The following MYO1E variants were observed in gnomAD, a reference collection of about 807,000 sequenced individuals.
MYO1E encodes the protein unconventional myosin-Ie.
A neutral mutation model predicts 151.1 loss-of-function variants in MYO1E; 68 were observed. That is an observed-to-expected ratio of 0.45 (90% confidence interval 0.37 to 0.55). The LOEUF is 0.55. MYO1E is among the 20% of genes least tolerant of loss of function. The probability of loss-of-function intolerance (pLI) is 0.00; values close to 1 mark genes in which losing one functional copy is unlikely to be tolerated. For synonymous variants in MYO1E, 601 were observed against 501.7 expected, an observed-to-expected ratio of 1.20 and a Z score of -2.64; for missense variants, 1,363 against 1,389.3, an observed-to-expected ratio of 0.98 and a Z score of 0.30.
At chr15:59,247,651 T>C (rs1249842813) in intron 4 of MYO1E, among the ~76,000 whole-genome samples, 2 of 152,186 alleles carry the variant, frequency 1.3e-5, no homozygotes, top group Non-Finnish European at 2.9e-5. Context: ...TCAAGAGCCT[T>C]AGCCCTGGCT....
In MYO1E at chr15:59,315,990, C is replaced by T. The variant is rs139073275; in HGVS notation, c.4-43541G>A. ...GTAGACACTGAGGAATACTTTTGCA[C>T]TGAGGCACCCGTGGGCCAACAAGTA... On this transcript the variant is annotated intron_variant, in intron 1 of 27. Transcript: ENST00000288235. 2.3e-3 allele frequency among the ~76,000 whole-genome samples: 349 copies of T among 152,246 alleles called. 1 individual carries two copies. The highest frequency in any genetic ancestry group is 3.6e-3 in the Non-Finnish European group (244 of 68,026).
intron 5 of MYO1E, among the ~76,000 whole-genome samples, chr15:59,234,262 G>A (rs202137847): frequency 1.4e-4 from 19 of 134,188 alleles, no homozygotes; most frequent in Non-Finnish European, 1.9e-4. Context: ...GGATGGATGG[G>A]TGCATGGATG....
chr15:59,229,371 G>A (rs1221012923), intron 6 of MYO1E, among the ~76,000 whole-genome samples: 1 of 152,184 alleles, frequency 6.6e-6, no homozygotes, highest in Non-Finnish European at 1.5e-5. Flanking sequence ...ATTTTTATGT[G>A]TGGTCAAGGT....
At chr15:59,231,580 C>T (rs932621519) in intron 6 of MYO1E, 122 bp downstream of exon 6, 6 of 1,061,848 alleles carry the variant, frequency 5.7e-6, no homozygotes, top group South Asian at 2.7e-5. Flanking sequence ...AAGGAAAGAT[C>T]GAAGAGGTGG....
rs568034487 is a variant in MYO1E, at chr15:59,179,324, C to G, written c.1905-787G>C. ...TACTATTTTTCCTTCAGAGCATGTACTCTAATTGGTAGTTATATTCACGGT... is the reference window on the plus strand; with the variant it reads ...TACTATTTTTCCTTCAGAGCATGTAGTCTAATTGGTAGTTATATTCACGGT... On this transcript the variant is annotated intron_variant, in intron 18 of 27. Transcript: ENST00000288235. 4.6e-5 allele frequency among the ~76,000 whole-genome samples: 7 copies of G among 152,264 alleles called. No homozygotes were observed. The South Asian group carries it at 1.5e-3, about 32-fold the overall frequency.
intron 1 of MYO1E, among the ~76,000 whole-genome samples, chr15:59,309,212 A>C (rs1162502642): frequency 6.6e-6 from 1 of 152,226 alleles, no homozygotes; most frequent in African/African-American, 2.4e-5. Flanking sequence ...ACTAGCTCTG[A>C]GCCCGGCACC....
Position 59,136,611 on chromosome 15 carries a change from A to C in MYO1E, c.*769T>G. The stretch of plus-strand genomic sequence containing the variant: ...ATGTTTCTACCATCTCAAGATTTTT[A>C]TATATACAGTATATGATCTGTTTTT... On this transcript the variant is annotated 3_prime_UTR_variant, in exon 28 of 28. Coordinates refer to ENST00000288235, the MANE Select transcript of MYO1E (RefSeq NM_004998.4). 1 of 428,954 alleles carries C rather than the reference A, an allele frequency of 2.3e-6. No homozygotes were observed. Among genetic ancestry groups the C allele is most frequent in the Non-Finnish European group, 4.7e-6 (1 of 211,350 alleles). The allele number at this position is 428,954 out of a possible 1,614,324, so 26.6% of individuals were successfully genotyped here. A position where few individuals can be genotyped will look rare whatever the true frequency, so the allele number is the denominator to read the frequency against.
chr15:59,252,540 C>T (rs1271625616), intron 4 of MYO1E, among the ~76,000 whole-genome samples: 2 of 152,152 alleles, frequency 1.3e-5, no homozygotes, highest in African/African-American at 4.8e-5. Context: ...CATGGGGAAA[C>T]CCCGTCTCTA....
intron 1 of MYO1E, among the ~76,000 whole-genome samples, chr15:59,305,856 A>G (rs1250891364): frequency 2.0e-5 from 3 of 152,156 alleles, no homozygotes; most frequent in Non-Finnish European, 4.4e-5. Context: ...AGGACATTCA[A>G]AATTAGGAGG....
chr15:59,252,647 G>A (rs182019667), intron 4 of MYO1E, among the ~76,000 whole-genome samples: 17 of 152,178 alleles, frequency 1.1e-4, no homozygotes, highest in South Asian at 2.1e-4. Flanking sequence ...CCCAGGAGGC[G>A]GAGGTTGCAA....
intron 5 of MYO1E, among the ~76,000 whole-genome samples, chr15:59,232,963 T>A (rs910780432): frequency 7.9e-5 from 12 of 152,174 alleles, no homozygotes; most frequent in African/African-American, 2.4e-5. Flanking sequence ...CCAAGGGCAA[T>A]TCTGGGTGGT....
chr15:59,364,816 A>G (rs1396129460), intron 1 of MYO1E, among the ~76,000 whole-genome samples: 1 of 151,896 alleles, frequency 6.6e-6, no homozygotes, highest in African/African-American at 2.4e-5. Context: ...GAGGCAGGAG[A>G]ATCGCTTGAA....
rs117656303 is a variant in MYO1E at position 59,249,150 on chromosome 15, G to A, written c.332+7134C>T. On this transcript the variant is annotated intron_variant, in intron 4 of 27. Coordinates refer to ENST00000288235, the MANE Select transcript of MYO1E (RefSeq NM_004998.4). ...TTCAAAATCCACTTTGTGGCCAGGC[G>A]CGGTGGCTCACGCCTGTAATCCCAG... Among the ~76,000 whole-genome samples the A allele has an allele frequency of 9.4e-4, 143 of 152,278 alleles. No homozygotes were observed. In the Middle Eastern group the frequency reaches 0.01, roughly 11 times the overall value.
intron 2 of MYO1E, chr15:59,266,920 C>A (rs1355461128): frequency 6.6e-6 from 1 of 151,846 alleles, no homozygotes; most frequent in Non-Finnish European, 1.5e-5. Flanking sequence ...CTTGGCCTCC[C>A]AAAGTGCTAG....
chr15:59,157,880 T>G (rs7175642), intron 25 of MYO1E, among the ~76,000 whole-genome samples: 87,041 of 152,034 alleles, frequency 0.57, 25,878 homozygotes, highest in Non-Finnish European at 0.65. Context: ...GATAAGGGGG[T>G]GCTGCTGTAG....
At chr15:59,294,469 T>C (rs1224143485) in intron 1 of MYO1E, among the ~76,000 whole-genome samples, 2 of 152,198 alleles carry the variant, frequency 1.3e-5, no homozygotes, top group African/African-American at 2.4e-5. Flanking sequence ...CCCATTGAAC[T>C]TGGAAATAAA....
chr15:59,220,191 C>G (rs1340970880), intron 9 of MYO1E, among the ~76,000 whole-genome samples: 3 of 152,174 alleles, frequency 2.0e-5, no homozygotes, highest in Admixed American at 1.3e-4. Flanking sequence ...GCTCACGCCT[C>G]TAATTACTGC....
chr15:59,327,314 T>C (rs1204808390), intron 1 of MYO1E, among the ~76,000 whole-genome samples: 2 of 126,854 alleles, frequency 1.6e-5, no homozygotes, highest in Non-Finnish European at 3.4e-5. Context: ...AAAGGCACTT[T>C]GTACATTTTT....
At chr15:59,321,466 T>C (rs1433620826) in intron 1 of MYO1E, among the ~76,000 whole-genome samples, 1 of 152,144 alleles carries the variant, frequency 6.6e-6, no homozygotes, top group East Asian at 1.9e-4. Flanking sequence ...ATAAAGGAAA[T>C]GTGGTACATA....
Sources: allele counts gnomAD v4.1 joint callset (sites outside exome capture counted in the v4.1 genomes callset), GRCh38; gene constraint gnomAD v4.1.1; transcripts MANE v1.5; gene names NCBI Gene and HGNC (gene_info 2026-07-23, HGNC 2026-07-21).